Variants in GRM7 observed in about 807,000 individuals in gnomAD.
The protein encoded by GRM7 is metabotropic glutamate receptor 7.
GRM7 carries 35 observed loss-of-function variants against 84.5 expected under a neutral mutation model. The observed-to-expected ratio is 0.41, with a 90% confidence interval of 0.32 to 0.55. The LOEUF is 0.55. Among genes scored for constraint, GRM7 ranks in the 20% least tolerant of loss-of-function variants. GRM7 has a pLI of 0.19. For missense variants in GRM7, 1,003 were observed against 1,194.6 expected (o/e 0.84, Z 2.36); for synonymous variants, 487 against 455.1 (o/e 1.07, Z -0.89).
chr3:6,972,231 C>T (rs1421232742), intron 1 of GRM7, among the ~76,000 whole-genome samples: 3 of 152,116 alleles, frequency 2.0e-5, no homozygotes, highest in Non-Finnish European at 4.4e-5. Flanking sequence ...TTTTGAAATG[C>T]AGGGCAGGAA....
intron 1 of GRM7, among the ~76,000 whole-genome samples, chr3:7,059,067 A>C (rs1697334105): frequency 1.3e-5 from 2 of 151,866 alleles, no homozygotes; most frequent in Admixed American, 1.3e-4. Context: ...ATGTTAGTAC[A>C]GGTCTTTGAA....
At chr3:7,699,081 A>G (rs899500960) in intron 9 of GRM7, among the ~76,000 whole-genome samples, 1 of 152,196 alleles carries the variant, frequency 6.6e-6, no homozygotes, top group Non-Finnish European at 1.5e-5. Flanking sequence ...AAAATCTCAA[A>G]GCTACAGATG....
chr3:7,682,336 CAAAAAAAAAAAAAAA>C (rs905940773), intron 9 of GRM7: 1 of 51,098 alleles, frequency 2.0e-5, no homozygotes, highest in Non-Finnish European at 4.2e-5. Context: ...AACTCCATCT[CAAAAAAAAAAAAAAA>C]AAAAAGAAAA....
At chr3:6,995,956 G>A (rs1003703211) in intron 1 of GRM7, among the ~76,000 whole-genome samples, 1 of 152,130 alleles carries the variant, frequency 6.6e-6, no homozygotes, top group Non-Finnish European at 1.5e-5. Context: ...TATTTTTTGA[G>A]TTTAGTACTG....
At chr3:7,700,026 C>T (rs956766573) in intron 9 of GRM7, among the ~76,000 whole-genome samples, 5 of 152,172 alleles carry the variant, frequency 3.3e-5, no homozygotes, top group Admixed American at 3.3e-4. Flanking sequence ...AAGCTAACGT[C>T]CCAGGATGTG....
At chr3:7,186,903 C>T (rs976972314) in intron 2 of GRM7, among the ~76,000 whole-genome samples, 3 of 152,084 alleles carry the variant, frequency 2.0e-5, no homozygotes, top group East Asian at 1.9e-4. Flanking sequence ...TAAGACAATA[C>T]GTTTCATATA....
intron 7 of GRM7, among the ~76,000 whole-genome samples, chr3:7,495,942 C>T (rs1355393531): frequency 2.0e-5 from 3 of 152,100 alleles, no homozygotes; most frequent in Non-Finnish European, 4.4e-5. Flanking sequence ...TGAGGAAGAC[C>T]TGAGAAAAAT....
In GRM7 at chr3:7,087,275, A is replaced by G. The variant is rs191142309; in HGVS notation, c.520-59177A>G. Among the ~76,000 whole-genome samples, 211 of 152,294 alleles carry G rather than the reference A, an allele frequency of 1.4e-3. 1 individual carries two copies. Among genetic ancestry groups the G allele is most frequent in the African/African-American group, 4.6e-3 (192 of 41,580 alleles). ...CACGTCACTCCCCTCCTGAAAATAA[A>G]TGTTTATCTTAATTACATTATAGTA... On this transcript the variant is annotated intron_variant, in intron 1 of 9. Coordinates refer to ENST00000357716, the MANE Select transcript of GRM7 (RefSeq NM_000844.4).
At chr3:7,000,168 CTTTTT>C (rs35703323) in intron 1 of GRM7, among the ~76,000 whole-genome samples, 2 of 77,746 alleles carry the variant, frequency 2.6e-5, no homozygotes, top group African/African-American at 1.0e-4. Flanking sequence ...GAGGTTGTGA[CTTTTT>C]TTTTTTTTTT....
At chr3:6,865,005 A>G (rs1694893060) in intron 1 of GRM7, among the ~76,000 whole-genome samples, 1 of 152,192 alleles carries the variant, frequency 6.6e-6, no homozygotes, top group African/African-American at 2.4e-5. Context: ...GACATGTCTG[A>G]GGACAGGAAT....
At chr3:7,402,100 T>C (rs574339125) in intron 4 of GRM7, among the ~76,000 whole-genome samples, 2 of 152,274 alleles carry the variant, frequency 1.3e-5, no homozygotes, top group South Asian at 4.1e-4. Context: ...GCAAACTGAA[T>C]TTTTCTACTT....
At chr3:7,128,522 T>C (rs1693480811) in intron 1 of GRM7, among the ~76,000 whole-genome samples, 1 of 129,466 alleles carries the variant, frequency 7.7e-6, no homozygotes, top group Non-Finnish European at 1.7e-5. Context: ...TTTTTTTTTT[T>C]TTTGAGATGG....
At chr3:7,280,059 C>G (rs1378166590) in intron 2 of GRM7, among the ~76,000 whole-genome samples, 9 of 152,138 alleles carry the variant, frequency 5.9e-5, no homozygotes, top group Admixed American at 5.9e-4. Flanking sequence ...CTATCAGAAA[C>G]AGGCATATTT....
intron 9 of GRM7, among the ~76,000 whole-genome samples, chr3:7,728,722 C>G (rs1342329083): frequency 1.3e-5 from 2 of 152,188 alleles, no homozygotes; most frequent in Non-Finnish European, 2.9e-5. Context: ...TAATTATTAA[C>G]TTAATGTGAA....
intron 8 of GRM7, among the ~76,000 whole-genome samples, chr3:7,656,149 T>C (rs1437022435): frequency 1.3e-5 from 2 of 152,148 alleles, no homozygotes; most frequent in African/African-American, 4.8e-5. Context: ...ATGTTCTTTC[T>C]ATCCTGTCCA....
chr3:7,699,596 A>G (rs162768), intron 9 of GRM7, among the ~76,000 whole-genome samples: 9,701 of 152,144 alleles, frequency 0.064, 415 homozygotes, highest in South Asian at 0.13. Context: ...AAATTCATCC[A>G]TTTTCAAAAA....
At chr3:6,950,932 C>T (rs558464180) in intron 1 of GRM7, among the ~76,000 whole-genome samples, 4 of 152,246 alleles carry the variant, frequency 2.6e-5, no homozygotes, top group East Asian at 3.9e-4. Flanking sequence ...GAGAGTGACC[C>T]GATTTTCCAG....
chr3:7,208,394 T>G (rs933091496), intron 2 of GRM7, among the ~76,000 whole-genome samples: 1 of 152,154 alleles, frequency 6.6e-6, no homozygotes, highest in Non-Finnish European at 1.5e-5. Flanking sequence ...TTGGTAATGT[T>G]GCTGTTCTCC....
chr3:7,071,455 C>T lies in GRM7; in HGVS notation c.520-74997C>T, dbSNP rs1020847639. 7.9e-5 allele frequency among the ~76,000 whole-genome samples: 12 copies of T among 152,104 alleles called. No homozygotes were observed. In the South Asian group the frequency reaches 1.7e-3, roughly 21 times the overall value. The stretch of plus-strand genomic sequence containing the variant: ...CCAGAGGTGAAGAAATGCTGTCTTC[C>T]ACTTTCTAAACATTCTTACCCAGCT... On this transcript the variant is annotated intron_variant, in intron 1 of 9. Coordinates refer to ENST00000357716, the MANE Select transcript of GRM7 (RefSeq NM_000844.4).
Sources: gnomAD v4.1 joint callset for allele counts (sites outside exome capture counted in the v4.1 genomes callset) on GRCh38, gnomAD v4.1.1 for gene constraint, MANE v1.5 for transcripts, NCBI Gene and HGNC (gene_info 2026-07-23, HGNC 2026-07-21) for gene names.